WWOX: variants seen among roughly 807,000 people sequenced by gnomAD.
WWOX encodes WW domain containing oxidoreductase.
WWOX carries 69 observed loss-of-function variants against 46.2 expected under a neutral mutation model. The observed-to-expected ratio is 1.49, with a 90% CI of 1.23 to 1.82. The LOEUF is 1.82. Among genes scored for constraint, WWOX ranks in the 40% most tolerant of loss-of-function variants. The probability of loss-of-function intolerance (pLI) is 0.00; values close to 1 mark genes in which losing one functional copy is unlikely to be tolerated. For missense variants in WWOX, 919 were observed against 542.6 expected (o/e 1.69, Z -6.89); for synonymous variants, 359 against 202.6 (o/e 1.77, Z -6.56).
chr16:78,639,690 AGTAGCT>A (rs907205697), intron 8 of WWOX, among the ~76,000 whole-genome samples: 3 of 151,840 alleles, frequency 2.0e-5, no homozygotes, highest in Admixed American at 2.0e-4. Flanking sequence ...CAGCCTCTGG[AGTAGCT>A]GGGATTACAG....
chr16:79,076,102 C>T (rs980925849), intron 8 of WWOX, among the ~76,000 whole-genome samples: 1 of 152,044 alleles, frequency 6.6e-6, no homozygotes, highest in Non-Finnish European at 1.5e-5. Flanking sequence ...GATACATTGC[C>T]GAGATTTGTA....
chr16:78,873,504 G>T (rs1238616236), intron 8 of WWOX: 1 of 152,142 alleles, frequency 6.6e-6, no homozygotes, highest in African/African-American at 2.4e-5. Flanking sequence ...ATACTTGGAG[G>T]GCCAGGCACA....
At chr16:78,891,336 G>C (rs2044586438) in intron 8 of WWOX, 1 of 152,024 alleles carries the variant, frequency 6.6e-6, no homozygotes, top group African/African-American at 2.4e-5. Flanking sequence ...CCTCCTTTCT[G>C]TAAGGACTCT....
intron 8 of WWOX, among the ~76,000 whole-genome samples, chr16:78,638,876 C>G (rs1323217054): frequency 1.3e-5 from 2 of 152,002 alleles, no homozygotes; most frequent in Admixed American, 1.3e-4. Flanking sequence ...TATTTGCAAG[C>G]TTTAGTCCTA....
chr16:78,517,822 G>C (rs1202740938), intron 8 of WWOX, among the ~76,000 whole-genome samples: 3 of 134,068 alleles, frequency 2.2e-5, no homozygotes, highest in Non-Finnish European at 4.7e-5. Context: ...ATAACAAGAA[G>C]TGAAAAAAAA....
intron 8 of WWOX, among the ~76,000 whole-genome samples, chr16:78,530,805 C>G (rs74029534): frequency 0.027 from 4,098 of 152,244 alleles, 145 homozygotes; most frequent in African/African-American, 0.086. Flanking sequence ...TGGCATCTAG[C>G]TGCTGCTAGA....
In WWOX at chr16:78,288,911, G is replaced by A. The variant is rs1367798243; in HGVS notation, c.517-97949G>A. Among the ~76,000 whole-genome samples, 11 of 152,148 alleles carry A rather than the reference G, an allele frequency of 7.2e-5. No homozygotes were observed. The East Asian group carries it at 1.2e-3, about 16-fold the overall frequency. On this transcript the variant is annotated intron_variant, in intron 5 of 8. Coordinates refer to ENST00000566780, the MANE Select transcript of WWOX (RefSeq NM_016373.4). The stretch of plus-strand genomic sequence containing the variant: ...AGAAGAAAAAATCATCCTGGGGGCA[G>A]AAGAACAACAACAAAAAATTTTCCT...
At chr16:78,611,120 T>C (rs573969939) in intron 8 of WWOX, among the ~76,000 whole-genome samples, 3 of 152,286 alleles carry the variant, frequency 2.0e-5, no homozygotes, top group Admixed American at 1.3e-4. Context: ...AATGACAAGT[T>C]GTTCATCATT....
intron 5 of WWOX, among the ~76,000 whole-genome samples, chr16:78,317,677 T>C (rs920082893): frequency 2.1e-4 from 32 of 152,114 alleles, no homozygotes; most frequent in Admixed American, 2.6e-4. Context: ...GGACTCCTGC[T>C]CTCTGTTGAC....
chr16:78,271,995 A>C (rs1366702609), intron 5 of WWOX, among the ~76,000 whole-genome samples: 1 of 152,222 alleles, frequency 6.6e-6, no homozygotes, highest in Non-Finnish European at 1.5e-5. Context: ...CAGCCAGGAG[A>C]CTACAGATAA....
chr16:78,261,302 C>T (rs1404543880), intron 5 of WWOX, among the ~76,000 whole-genome samples: 1 of 150,622 alleles, frequency 6.6e-6, no homozygotes, highest in Non-Finnish European at 1.5e-5. Context: ...TACATACATA[C>T]ATACATACAT....
intron 8 of WWOX, among the ~76,000 whole-genome samples, chr16:79,202,336 C>G (rs746895341): frequency 6.6e-6 from 1 of 152,086 alleles, no homozygotes; most frequent in African/African-American, 2.4e-5. Context: ...ATGGGAATGA[C>G]GGGACCCTCA....
Position 78,654,448 on chromosome 16 carries a change from A to G in WWOX, c.1056+221696A>G, listed in dbSNP as rs569015577. On this transcript the variant is annotated intron_variant, in intron 8 of 8. Transcript: ENST00000566780. ...AAATGTTAGCAATATAGTAATGAAC[A>G]AAACAGATGTTATCTCTACCCTTAT... Among the ~76,000 whole-genome samples, 450 of 152,360 alleles carry G rather than the reference A, an allele frequency of 3.0e-3. 2 individuals are homozygous for G. Among genetic ancestry groups the G allele is most frequent in the African/African-American group, 0.011 (440 of 41,586 alleles).
At chr16:79,080,902 A>G (rs1314431709) in intron 8 of WWOX, among the ~76,000 whole-genome samples, 3 of 152,206 alleles carry the variant, frequency 2.0e-5, no homozygotes, top group Non-Finnish European at 4.4e-5. Context: ...TGCATCACCC[A>G]GTCTCTTAAA....
intron 6 of WWOX, among the ~76,000 whole-genome samples, chr16:78,410,422 T>G (rs967942889): frequency 1.1e-4 from 17 of 152,144 alleles, no homozygotes; most frequent in Non-Finnish European, 2.2e-4. Context: ...GGGGGACTTT[T>G]ATTTTTCCCA....
chr16:79,126,162 G>A (rs1213762241), intron 8 of WWOX, among the ~76,000 whole-genome samples: 3 of 152,110 alleles, frequency 2.0e-5, no homozygotes, highest in African/African-American at 7.2e-5. Flanking sequence ...CATTCTGGAT[G>A]ATGTGATGGG....
chr16:78,706,841 G>T (rs143408539), intron 8 of WWOX, among the ~76,000 whole-genome samples: 2 of 152,026 alleles, frequency 1.3e-5, no homozygotes, highest in African/African-American at 2.4e-5. Flanking sequence ...TTATCACCCA[G>T]TCTGGAGTGT....
At chr16:78,907,872 C>G (rs1395707787) in intron 8 of WWOX, among the ~76,000 whole-genome samples, 2 of 152,098 alleles carry the variant, frequency 1.3e-5, no homozygotes, top group Non-Finnish European at 2.9e-5. Flanking sequence ...GTTCCAAAGC[C>G]CGTGGCATGT....
At position 78,742,863 on chromosome 16, in the gene WWOX, G is replaced by C. The variant is rs140461483; in HGVS notation, c.1056+310111G>C. Among the ~76,000 whole-genome samples the C allele has an allele frequency of 3.3e-3, 508 of 152,226 alleles. 6 individuals are homozygous for C. Among genetic ancestry groups the C allele is most frequent in the African/African-American group, 0.012 (484 of 41,534 alleles). On this transcript the variant is annotated intron_variant, in intron 8 of 8. Transcript: ENST00000566780. ...CATTGCGAGTCTCATGGTCAGAGCC[G>C]GGGGCTTCCCAGTGTAGGGTCTGGT...
Sources: allele counts gnomAD v4.1 joint callset (sites outside exome capture counted in the v4.1 genomes callset), GRCh38; gene constraint gnomAD v4.1.1; transcripts MANE v1.5; gene names NCBI Gene and HGNC (gene_info 2026-07-23, HGNC 2026-07-21).